The following LIMS1 variants were observed in gnomAD, a reference collection of about 807,000 sequenced individuals.
LIMS1 encodes LIM zinc finger domain containing 1, also known as LIM and senescent cell antigen-like-containing domain protein 1.
Under a neutral mutation model 44.1 loss-of-function variants are expected in LIMS1, and 18 were observed. The observed-to-expected ratio is 0.41, with a 90% CI of 0.28 to 0.61. LIMS1 has a LOEUF of 0.61. LIMS1 is among the 20% of genes least tolerant of loss of function. The pLI is 0.32. For synonymous variants in LIMS1, 93 were observed against 149.1 expected, an observed-to-expected ratio of 0.62 and a Z score of 2.74; for missense variants, 201 against 422.0, an observed-to-expected ratio of 0.48 and a Z score of 4.59.
chr2:108,544,778 A>C (rs1304286793), intron 1 of LIMS1, among the ~76,000 whole-genome samples: 1 of 152,168 alleles, frequency 6.6e-6, no homozygotes, highest in African/African-American at 2.4e-5. Flanking sequence ...TACAGGTGTG[A>C]GCCACCACAC....
intron 1 of LIMS1, among the ~76,000 whole-genome samples, chr2:108,586,131 G>T (rs960456994): frequency 2.0e-5 from 3 of 152,264 alleles, no homozygotes; most frequent in South Asian, 2.1e-4. Flanking sequence ...GGCGGAGCTT[G>T]CAGTGAGCTG....
At chr2:108,545,296 T>A (rs1343502960) in intron 1 of LIMS1, among the ~76,000 whole-genome samples, 1 of 152,170 alleles carries the variant, frequency 6.6e-6, no homozygotes, top group East Asian at 1.9e-4. Context: ...TGCAGTGGCT[T>A]GATGTCGGCT....
intron 1 of LIMS1, among the ~76,000 whole-genome samples, chr2:108,617,335 T>C (rs1422675854): frequency 1.3e-5 from 2 of 152,242 alleles, no homozygotes; most frequent in Admixed American, 1.3e-4. Context: ...TTTATTCTTA[T>C]CACAAATGGA....
chr2:108,683,278 A>G (rs1441826899), intron 9 of LIMS1, among the ~76,000 whole-genome samples: 2 of 152,214 alleles, frequency 1.3e-5, no homozygotes, highest in Non-Finnish European at 2.9e-5. Flanking sequence ...AATCATTCAC[A>G]TTATAAAAAT....
chr2:108,576,172 A>T (rs1685664532), intron 1 of LIMS1, among the ~76,000 whole-genome samples: 1 of 152,234 alleles, frequency 6.6e-6, no homozygotes, highest in Non-Finnish European at 1.5e-5. Context: ...ACCTTGACTG[A>T]ACGAGAGCTA....
chr2:108,598,324 G>C (rs1423779596), intron 1 of LIMS1, among the ~76,000 whole-genome samples: 1 of 152,136 alleles, frequency 6.6e-6, no homozygotes, highest in Non-Finnish European at 1.5e-5. Flanking sequence ...TGTGTCACCT[G>C]GTATGTCTTA....
intron 1 of LIMS1, among the ~76,000 whole-genome samples, chr2:108,596,538 G>T (rs1375103054): frequency 6.6e-6 from 1 of 152,294 alleles, no homozygotes; most frequent in Non-Finnish European, 1.5e-5. Flanking sequence ...TAAAGAAAGG[G>T]CATGTTGGCC....
intron 1 of LIMS1, among the ~76,000 whole-genome samples, chr2:108,610,241 G>C (rs1687528498): frequency 6.7e-6 from 1 of 150,310 alleles, no homozygotes; most frequent in African/African-American, 2.5e-5. Context: ...ATAGAGATGG[G>C]GTCTCACTAT....
chr2:108,571,085 G>A (rs532843136), intron 1 of LIMS1, among the ~76,000 whole-genome samples: 3 of 152,016 alleles, frequency 2.0e-5, no homozygotes, highest in East Asian at 3.9e-4. Flanking sequence ...ATATTATTAC[G>A]TATACTGTTT....
intron 1 of LIMS1, among the ~76,000 whole-genome samples, chr2:108,628,765 T>C (rs1688728845): frequency 6.6e-6 from 1 of 152,208 alleles, no homozygotes; most frequent in Admixed American, 6.5e-5. Flanking sequence ...GCACCCAGCC[T>C]CAGTGCATTA....
At chr2:108,684,942 C>T (rs826591) in exon 10 of LIMS1, 1 of 152,058 alleles carries the variant, frequency 6.6e-6, no homozygotes, top group African/African-American at 2.4e-5. Context: ...GCCTTAAAAA[C>T]ATACATACTA....
chr2:108,601,314 G>T (rs1687002576), intron 1 of LIMS1, among the ~76,000 whole-genome samples: 1 of 152,272 alleles, frequency 6.6e-6, no homozygotes, highest in Admixed American at 6.5e-5. Context: ...GGAAGCAACA[G>T]CCTGGGCTCC....
chr2:108,654,474 C>T (rs1400679856), intron 1 of LIMS1, among the ~76,000 whole-genome samples: 1 of 152,048 alleles, frequency 6.6e-6, no homozygotes, highest in Admixed American at 6.6e-5. Flanking sequence ...AAACATAGCT[C>T]TTAGTTTTAG....
chr2:108,609,386 T>TTG (rs1467396646), intron 1 of LIMS1, among the ~76,000 whole-genome samples: 1 of 152,114 alleles, frequency 6.6e-6, no homozygotes, highest in African/African-American at 2.4e-5. Flanking sequence ...AATTCTAACC[T>TTG]TGTGTGGCTT....
chr2:108,648,564 C>A (rs1449627039), intron 1 of LIMS1, among the ~76,000 whole-genome samples: 2 of 152,184 alleles, frequency 1.3e-5, no homozygotes, highest in African/African-American at 4.8e-5. Context: ...AAGTATACTA[C>A]AAGTCTACTT....
rs543112223 is a variant in LIMS1 at position 108,547,236 on chromosome 2, T to G, written c.32+12642T>G. 2.0e-5 allele frequency among the ~76,000 whole-genome samples: 3 copies of G among 152,304 alleles called. No homozygotes were observed. The East Asian group carries it at 5.8e-4, about 29-fold the overall frequency. On this transcript the variant is annotated intron_variant, in intron 1 of 9. Transcript: ENST00000544547. ...GTCCTGTTGTGGATTGGGTGGTGGATAGTCAGGCAGGACATCCTTAGGGAT... is the reference window on the plus strand; with the variant it reads ...GTCCTGTTGTGGATTGGGTGGTGGAGAGTCAGGCAGGACATCCTTAGGGAT...
intron 5 of LIMS1, chr2:108,673,304 A>G (rs1692267088): frequency 3.8e-6 from 2 of 528,774 alleles, no homozygotes; most frequent in Non-Finnish European, 3.3e-6. Context: ...GTATACGCAT[A>G]CCTCTAAAAT....
chr2:108,551,616 ATGTATATATG>A (rs1265754161), intron 1 of LIMS1, among the ~76,000 whole-genome samples: 1 of 139,646 alleles, frequency 7.2e-6, no homozygotes, highest in Non-Finnish European at 1.5e-5. Context: ...ATGTATATAT[ATGTATATATG>A]TGTATATATA....
At chr2:108,565,565 T>G (rs188422632) in intron 1 of LIMS1, among the ~76,000 whole-genome samples, 4 of 152,316 alleles carry the variant, frequency 2.6e-5, no homozygotes, top group Admixed American at 2.6e-4. Context: ...TCTTTGGAAA[T>G]GTAAATTTTA....
Sources: gnomAD v4.1 joint callset for allele counts (sites outside exome capture counted in the v4.1 genomes callset) on GRCh38, gnomAD v4.1.1 for gene constraint, MANE v1.5 for transcripts, NCBI Gene and HGNC (gene_info 2026-07-23, HGNC 2026-07-21) for gene names.